The following ELMO1 variants were observed in gnomAD, a reference collection of about 807,000 sequenced individuals.
The protein encoded by ELMO1 is engulfment and cell motility 1.
Under a neutral mutation model 98.9 loss-of-function variants are expected in ELMO1, and 26 were observed. That is an observed-to-expected ratio of 0.26 (90% CI 0.19 to 0.36). The LOEUF (loss-of-function observed/expected upper bound fraction) is 0.36, where lower values mean the gene tolerates loss of function less well. ELMO1 is among the 10% of genes least tolerant of loss of function. The pLI, the probability that ELMO1 is intolerant of heterozygous loss-of-function variation, is 1.00. For missense variants in ELMO1, 627 were observed against 935.2 expected (o/e 0.67, Z 4.30); for synonymous variants, 346 against 346.0 (o/e 1.00, Z 0.00).
chr7:37,350,070 G>A (rs1656875512), intron 1 of ELMO1, among the ~76,000 whole-genome samples: 1 of 152,176 alleles, frequency 6.6e-6, no homozygotes, highest in South Asian at 2.1e-4. Flanking sequence ...CTGGATGGAT[G>A]GGTATATGGT....
At chr7:37,439,940 T>A (rs1168746845) in intron 1 of ELMO1, among the ~76,000 whole-genome samples, 2 of 152,200 alleles carry the variant, frequency 1.3e-5, no homozygotes, top group Admixed American at 1.3e-4. Context: ...ATATAATTGT[T>A]TCTTTGCTTC....
intron 15 of ELMO1, among the ~76,000 whole-genome samples, chr7:37,047,361 C>T (rs961202789): frequency 4.6e-5 from 7 of 152,346 alleles, no homozygotes; most frequent in Middle Eastern, 3.4e-3. Context: ...AGCAAGACAG[C>T]TGGGCTGACC....
intron 13 of ELMO1, among the ~76,000 whole-genome samples, chr7:37,191,568 A>C (rs1192083509): frequency 3.3e-5 from 5 of 152,234 alleles, no homozygotes; most frequent in African/African-American, 9.6e-5. Context: ...TGTAAAAAAA[A>C]TCATAAATAT....
chr7:37,101,875 T>C (rs1784664991), intron 14 of ELMO1, among the ~76,000 whole-genome samples: 1 of 152,166 alleles, frequency 6.6e-6, no homozygotes, highest in African/African-American at 2.4e-5. Flanking sequence ...AGTCAATGCA[T>C]GACATGGTGT....
Position 36,868,744 on chromosome 7 carries a change from C to T in ELMO1, c.1905+1649G>A, listed in dbSNP as rs145119290. ...CCCTCCACACCTATTTTACATAATTCCCTCTATCTTTATTTAGCACACTTG... is the reference window on the plus strand; with the variant it reads ...CCCTCCACACCTATTTTACATAATTTCCTCTATCTTTATTTAGCACACTTG... On this transcript the variant is annotated intron_variant, in intron 20 of 21. Coordinates refer to ENST00000310758, the MANE Select transcript of ELMO1 (RefSeq NM_014800.11). Among the ~76,000 whole-genome samples the T allele has an allele frequency of 5.0e-4, 76 of 152,224 alleles. 1 individual carries two copies. The highest frequency in any genetic ancestry group is 1.7e-3 in the African/African-American group (72 of 41,530).
intron 13 of ELMO1, among the ~76,000 whole-genome samples, chr7:37,206,362 G>A (rs1444509222): frequency 1.3e-5 from 2 of 152,184 alleles, no homozygotes; most frequent in Non-Finnish European, 2.9e-5. Context: ...GTCAGAAATC[G>A]ATGTCAGCAA....
intron 16 of ELMO1, among the ~76,000 whole-genome samples, chr7:36,994,990 C>T (rs1792103925): frequency 6.6e-6 from 1 of 152,198 alleles, no homozygotes; most frequent in Non-Finnish European, 1.5e-5. Flanking sequence ...TCCTCCTAGA[C>T]TGACACCACT....
In ELMO1 at chr7:37,179,968, A is replaced by T. The variant is rs574811994; in HGVS notation, c.1086+31418T>A. ...AGAAGACTGACTTAATTATCTTAAG[A>T]ATTTACATTGTAAATTGTCATTTTC... On this transcript the variant is annotated intron_variant, in intron 13 of 21. Coordinates refer to ENST00000310758, the MANE Select transcript of ELMO1 (RefSeq NM_014800.11). 4.6e-5 allele frequency among the ~76,000 whole-genome samples: 7 copies of T among 152,320 alleles called. No homozygotes were observed. The East Asian group carries it at 1.3e-3, about 29-fold the overall frequency.
rs1432355340 is a variant in ELMO1 at position 37,437,950 on chromosome 7, G to A, written c.-74+10725C>T. Among the ~76,000 whole-genome samples, 2 of 10,306 alleles carry A rather than the reference G, an allele frequency of 1.9e-4. 1 individual carries two copies. The highest frequency in any genetic ancestry group is 5.6e-3 in the South Asian group (2 of 356). 6.8% of individuals were successfully genotyped at this position (10,306 alleles called of 152,430 possible). Reference sequence around the variant, plus strand: ...ATTGCGCCACTGCAGTCCGCAGTCCGGCCTGGGCGACAGAGCGAGACTCCG... The same window carrying A: ...ATTGCGCCACTGCAGTCCGCAGTCCAGCCTGGGCGACAGAGCGAGACTCCG... On this transcript the variant is annotated intron_variant, in intron 1 of 21. Coordinates refer to ENST00000310758, the MANE Select transcript of ELMO1 (RefSeq NM_014800.11).
At chr7:36,943,993 C>G (rs1367092286) in intron 16 of ELMO1, among the ~76,000 whole-genome samples, 1 of 152,128 alleles carries the variant, frequency 6.6e-6, no homozygotes, top group Non-Finnish European at 1.5e-5. Flanking sequence ...AAGAAAAGAA[C>G]AGGGAGAGTA....
At chr7:37,118,090 C>T (rs1785724131) in intron 14 of ELMO1, among the ~76,000 whole-genome samples, 1 of 152,186 alleles carries the variant, frequency 6.6e-6, no homozygotes. Context: ...AGTTTAATTG[C>T]ACATTACACA....
At chr7:37,143,711 A>ATT (rs11407170) in intron 13 of ELMO1, among the ~76,000 whole-genome samples, 4,098 of 115,664 alleles carry the variant, frequency 0.035, 196 homozygotes, top group Middle Eastern at 0.12. Context: ...CAGCCGGTCG[A>ATT]TTTTTTTTTT....
intron 1 of ELMO1, among the ~76,000 whole-genome samples, chr7:37,357,219 C>T (rs1028733775): frequency 2.0e-5 from 3 of 152,102 alleles, no homozygotes; most frequent in African/African-American, 4.8e-5. Flanking sequence ...TTTTGGTCTT[C>T]GTTTCTAAAG....
intron 13 of ELMO1, among the ~76,000 whole-genome samples, chr7:37,165,677 G>T (rs1789623260): frequency 6.6e-6 from 1 of 152,066 alleles, no homozygotes; most frequent in African/African-American, 2.4e-5. Flanking sequence ...TCACATCCCA[G>T]GGATGAAGCC....
In ELMO1 at chr7:37,051,420, A is replaced by C. The variant is rs192229455; in HGVS notation, c.1301-37985T>G. On this transcript the variant is annotated intron_variant, in intron 15 of 21. Transcript: ENST00000310758. ...AACCTGAGTTTGACCAGATATTAAA[A>C]GACTGGCTTAAATTATGAGACAGTA... Among the ~76,000 whole-genome samples the C allele has an allele frequency of 4.7e-4, 72 of 152,348 alleles. 1 individual carries two copies. The highest frequency in any genetic ancestry group is 1.7e-3 in the African/African-American group (70 of 41,588).
At chr7:37,370,198 C>T (rs1226248991) in intron 1 of ELMO1, among the ~76,000 whole-genome samples, 1 of 152,182 alleles carries the variant, frequency 6.6e-6, no homozygotes, top group Non-Finnish European at 1.5e-5. Flanking sequence ...TGCGGCTCTG[C>T]CCTTACCTTC....
intron 2 of ELMO1, among the ~76,000 whole-genome samples, chr7:37,323,974 G>C (rs1314537866): frequency 1.3e-5 from 2 of 152,108 alleles, no homozygotes; most frequent in Admixed American, 1.3e-4. Context: ...CTCACTCAGA[G>C]TATATGTTCC....
chr7:37,202,265 G>A (rs1473557506), intron 13 of ELMO1, among the ~76,000 whole-genome samples: 1 of 152,176 alleles, frequency 6.6e-6, no homozygotes, highest in Non-Finnish European at 1.5e-5. Context: ...AAAGTGATTC[G>A]ATTGACAAAA....
chr7:37,124,485 C>A (rs1786346254), intron 14 of ELMO1, among the ~76,000 whole-genome samples: 2 of 152,162 alleles, frequency 1.3e-5, no homozygotes, highest in African/African-American at 2.4e-5. Flanking sequence ...CTCTTATACA[C>A]CAATAACAGA....
Sources: allele counts gnomAD v4.1 joint callset (sites outside exome capture counted in the v4.1 genomes callset), GRCh38; gene constraint gnomAD v4.1.1; transcripts MANE v1.5; gene names NCBI Gene and HGNC (gene_info 2026-07-23, HGNC 2026-07-21).